AGBL4: variants seen among roughly 807,000 people sequenced by gnomAD.
AGBL4 encodes AGBL carboxypeptidase 4, also known as cytosolic carboxypeptidase 6.
Under a neutral mutation model 66.4 loss-of-function variants are expected in AGBL4, and 58 were observed. The observed-to-expected ratio is 0.87, with a 90% confidence interval of 0.71 to 1.09. The LOEUF (loss-of-function observed/expected upper bound fraction) is 1.09. Among genes scored for constraint, AGBL4 ranks in the 50% least tolerant of loss-of-function variants. The pLI is 0.00. For missense variants in AGBL4, 579 were observed against 631.0 expected, an observed-to-expected ratio of 0.92 and a Z score of 0.88; for synonymous variants, 234 against 222.9, an observed-to-expected ratio of 1.05 and a Z score of -0.44.
intron 6 of AGBL4, among the ~76,000 whole-genome samples, chr1:48,817,176 C>G (rs113419334): frequency 6.6e-6 from 1 of 152,250 alleles, no homozygotes; most frequent in East Asian, 1.9e-4. Context: ...CCTCTCCCAA[C>G]GTATGACATT....
chr1:49,669,437 T>C (rs759659678), intron 3 of AGBL4, among the ~76,000 whole-genome samples: 10 of 152,158 alleles, frequency 6.6e-5, no homozygotes, highest in Non-Finnish European at 1.5e-4. Flanking sequence ...CAAAAAAAGT[T>C]CAAATGCCAG....
intron 11 of AGBL4, among the ~76,000 whole-genome samples, chr1:48,551,816 G>A (rs1175379503): frequency 6.6e-6 from 1 of 151,902 alleles, no homozygotes; most frequent in Non-Finnish European, 1.5e-5. Context: ...CTGGAGCAGG[G>A]GATATCCTTT....
At chr1:48,896,554 C>G (rs1270753611) in intron 5 of AGBL4, among the ~76,000 whole-genome samples, 1 of 152,154 alleles carries the variant, frequency 6.6e-6, no homozygotes, top group Non-Finnish European at 1.5e-5. Context: ...TTACAAGACA[C>G]GAGAAGCCCA....
At chr1:48,927,113 G>T (rs1654643890) in intron 5 of AGBL4, among the ~76,000 whole-genome samples, 1 of 152,070 alleles carries the variant, frequency 6.6e-6, no homozygotes, top group African/African-American at 2.4e-5. Flanking sequence ...GCAGGTCAAT[G>T]GCTTACAGAC....
At chr1:49,880,735 A>G (rs1159369820) in intron 1 of AGBL4, among the ~76,000 whole-genome samples, 1 of 152,096 alleles carries the variant, frequency 6.6e-6, no homozygotes, top group Non-Finnish European at 1.5e-5. Context: ...AAGCCTGGGC[A>G]ATGGCGGGCG....
chr1:49,090,599 A>G (rs940862827), intron 4 of AGBL4, among the ~76,000 whole-genome samples: 1 of 152,208 alleles, frequency 6.6e-6, no homozygotes, highest in African/African-American at 2.4e-5. Flanking sequence ...ATGCAAACAA[A>G]TAGATAAATA....
intron 2 of AGBL4, among the ~76,000 whole-genome samples, chr1:49,766,809 C>CT (rs1652764393): frequency 6.6e-6 from 1 of 151,984 alleles, no homozygotes; most frequent in South Asian, 2.1e-4. Context: ...ATAAAATAGA[C>CT]TTTAAACTAA....
intron 1 of AGBL4, among the ~76,000 whole-genome samples, chr1:49,920,329 C>A (rs1252161130): frequency 6.6e-6 from 1 of 152,098 alleles, no homozygotes; most frequent in Non-Finnish European, 1.5e-5. Context: ...AAAATTTTTG[C>A]AATCTACTCA....
chr1:49,522,051 C>T (rs1558018769), intron 3 of AGBL4, among the ~76,000 whole-genome samples: 1 of 152,212 alleles, frequency 6.6e-6, no homozygotes, highest in East Asian at 1.9e-4. Flanking sequence ...CATGTACCCT[C>T]TGAATCTAAA....
chr1:49,424,254 G>C (rs1239080595), intron 3 of AGBL4, among the ~76,000 whole-genome samples: 2 of 151,988 alleles, frequency 1.3e-5, no homozygotes, highest in Admixed American at 6.6e-5. Context: ...AACAAACAAA[G>C]AAACAAACAG....
intron 4 of AGBL4, among the ~76,000 whole-genome samples, chr1:49,194,393 G>T (rs1225608691): frequency 6.6e-6 from 1 of 151,934 alleles, no homozygotes; most frequent in Non-Finnish European, 1.5e-5. Context: ...TATACTTTCA[G>T]TGTATATGTG....
In AGBL4 at chr1:49,257,660, G is replaced by T. The variant is rs185979168; in HGVS notation, c.283-11796C>A. 1.1e-3 allele frequency among the ~76,000 whole-genome samples: 174 copies of T among 152,300 alleles called. 1 individual carries two copies. Among genetic ancestry groups the T allele is most frequent in the African/African-American group, 4.0e-3 (166 of 41,564 alleles). ...CCTCGCGCTGCTTTGGCTCATGCAC[G>T]GTGCGCTGCACCCACTGTCCTGCGC... On this transcript the variant is annotated intron_variant, in intron 3 of 13. Coordinates refer to ENST00000371839, the MANE Select transcript of AGBL4 (RefSeq NM_032785.4).
intron 3 of AGBL4, among the ~76,000 whole-genome samples, chr1:49,658,065 T>C (rs572977427): frequency 0.011 from 1,693 of 152,098 alleles, 26 homozygotes; most frequent in African/African-American, 0.039. Flanking sequence ...TCAGAGTGAA[T>C]AGGCAACCTA....
intron 4 of AGBL4, among the ~76,000 whole-genome samples, chr1:49,160,295 A>G (rs1325734079): frequency 6.6e-6 from 1 of 152,056 alleles, no homozygotes; most frequent in African/African-American, 2.4e-5. Flanking sequence ...TCTGTTTGTT[A>G]GTTTTCCTTC....
At chr1:49,762,691 C>T (rs1461089494) in intron 2 of AGBL4, among the ~76,000 whole-genome samples, 1 of 152,156 alleles carries the variant, frequency 6.6e-6, no homozygotes, top group East Asian at 1.9e-4. Flanking sequence ...GGATTACAGG[C>T]GTGAGCCACT....
intron 3 of AGBL4, among the ~76,000 whole-genome samples, chr1:49,675,252 C>A (rs1212453091): frequency 6.6e-6 from 1 of 152,050 alleles, no homozygotes; most frequent in Admixed American, 6.6e-5. Flanking sequence ...TTGTTGGAAT[C>A]TTTCATGGGC....
At chr1:48,827,153 T>C (rs1197882845) in intron 6 of AGBL4, among the ~76,000 whole-genome samples, 1 of 152,250 alleles carries the variant, frequency 6.6e-6, no homozygotes, top group African/African-American at 2.4e-5. Flanking sequence ...ATTACTGTAC[T>C]ATACTTTCAT....
intron 6 of AGBL4, among the ~76,000 whole-genome samples, chr1:48,852,592 GA>G (rs1270488735): frequency 6.6e-6 from 1 of 152,126 alleles, no homozygotes; most frequent in Non-Finnish European, 1.5e-5. Flanking sequence ...CTAAATTAGA[GA>G]ATTTTGCTTT....
intron 4 of AGBL4, among the ~76,000 whole-genome samples, chr1:49,183,246 A>G (rs772309361): frequency 6.6e-6 from 1 of 152,210 alleles, no homozygotes; most frequent in African/African-American, 2.4e-5. Flanking sequence ...TGCTTAGCAC[A>G]TGTGTATATT....
Sources: gnomAD v4.1 joint callset for allele counts (sites outside exome capture counted in the v4.1 genomes callset) on GRCh38, gnomAD v4.1.1 for gene constraint, MANE v1.5 for transcripts, NCBI Gene and HGNC (gene_info 2026-07-23, HGNC 2026-07-21) for gene names.